Variants in RAPGEF2 observed in about 807,000 individuals in gnomAD.
RAPGEF2 encodes the protein PDZ domain containing guanine nucleotide exchange factor (GEF) 1.
RAPGEF2 carries 54 observed loss-of-function variants against 186.7 expected under a neutral mutation model. The observed-to-expected ratio is 0.29, with a 90% CI of 0.23 to 0.36. RAPGEF2 has a LOEUF of 0.36. RAPGEF2 is among the 10% of genes least tolerant of loss of function. The probability of loss-of-function intolerance (pLI) is 1.00; values close to 1 mark genes in which losing one functional copy is unlikely to be tolerated. For missense variants in RAPGEF2, 1,532 were observed against 2,045.0 expected (o/e 0.75, Z 4.84); for synonymous variants, 712 against 705.9 (o/e 1.01, Z -0.14).
intron 7 of RAPGEF2, among the ~76,000 whole-genome samples, chr4:159,285,146 A>G (rs1760290903): frequency 6.6e-6 from 1 of 152,230 alleles, no homozygotes. Flanking sequence ...AGAATACATT[A>G]GAATAAGCCC....
At chr4:159,295,341 G>A (rs1203240315) in intron 7 of RAPGEF2, among the ~76,000 whole-genome samples, 2 of 152,096 alleles carry the variant, frequency 1.3e-5, no homozygotes, top group Admixed American at 1.3e-4. Context: ...GTTGATGGTT[G>A]AAAATGAATT....
chr4:159,359,803 A>C lies in RAPGEF2; in HGVS notation c.*1664A>C, dbSNP rs148204572. 4 of 152,202 alleles carry C rather than the reference A, an allele frequency of 2.6e-5. No individual in the cohort carries two copies. The highest frequency in any genetic ancestry group is 1.3e-4 in the Admixed American group (2 of 15,282). The allele number at this position is 152,202 out of a possible 1,614,324, so 9.4% of individuals were successfully genotyped here. On this transcript the variant is annotated 3_prime_UTR_variant, in exon 30 of 30. Coordinates refer to ENST00000691494, the MANE Select transcript of RAPGEF2 (RefSeq NM_001394067.2). The stretch of plus-strand genomic sequence containing the variant: ...ATTTGCCAGTTTTATTATATAGGCT[A>C]TGGACCTCATGTGCATATAGAAAGA...
intron 1 of RAPGEF2, among the ~76,000 whole-genome samples, chr4:159,143,186 C>T (rs1361914115): frequency 2.0e-5 from 3 of 151,946 alleles, no homozygotes; most frequent in African/African-American, 7.3e-5. Context: ...ATGATGATCG[C>T]TCCTCTGCAT....
chr4:159,249,534 T>C (rs1373035467), intron 7 of RAPGEF2, among the ~76,000 whole-genome samples: 1 of 151,956 alleles, frequency 6.6e-6, no homozygotes, highest in Admixed American at 6.5e-5. Flanking sequence ...ATGGAATATA[T>C]AGATGCTAGG....
intron 4 of RAPGEF2, among the ~76,000 whole-genome samples, chr4:159,218,768 A>AC (rs1561099099): frequency 6.6e-6 from 1 of 152,068 alleles, no homozygotes; most frequent in East Asian, 1.9e-4. Flanking sequence ...AAAAAAAAAA[A>AC]GTCGTTTTCT....
intron 1 of RAPGEF2, among the ~76,000 whole-genome samples, chr4:159,178,515 C>T (rs1746674583): frequency 6.7e-6 from 1 of 149,906 alleles, no homozygotes; most frequent in Admixed American, 6.6e-5. Context: ...GTGGGGTACT[C>T]TCCCTCTGAC....
Position 159,339,215 on chromosome 4 carries a change from A to G in RAPGEF2, c.2395A>G (p.Ile799Val), listed in dbSNP as rs1332747308. 1 of 1,614,162 alleles carries G rather than the reference A, an allele frequency of 6.2e-7. No individual in the cohort carries two copies. The highest frequency in any genetic ancestry group is 8.5e-7 in the Non-Finnish European group (1 of 1,180,008). Residue 799 changes from isoleucine (I) to valine (V), a missense_variant, in exon 19 of 30, where the codon ATC becomes GTC. Around this residue, in one of 4 missense-constraint regions of RAPGEF2, gnomAD observed 810 missense variants for 1,210.5 expected, o/e 0.67. Transcript: ENST00000691494. ...AGCAAAGGAAGTGGTCATTCAGGCT[A>G]TCAGGGAGTTTGCTGTTACTGCCAC... Reference protein sequence around the residue: ...TTAKEVVIQAIREFAVTATPD... With the variant: ...TTAKEVVIQAVREFAVTATPD...
chr4:159,290,889 G>A (rs1429231575), intron 7 of RAPGEF2, among the ~76,000 whole-genome samples: 1 of 152,144 alleles, frequency 6.6e-6, no homozygotes, highest in Admixed American at 6.5e-5. Context: ...GTGCCCTCCC[G>A]ACAGCCAAAG....
At chr4:159,294,686 C>A (rs1323376837) in intron 7 of RAPGEF2, among the ~76,000 whole-genome samples, 2 of 151,288 alleles carry the variant, frequency 1.3e-5, no homozygotes, top group Non-Finnish European at 2.9e-5. Context: ...TTCCTTCCTT[C>A]CTTCTTTCCG....
intron 17 of RAPGEF2, among the ~76,000 whole-genome samples, chr4:159,336,633 C>T (rs561328269): frequency 6.6e-6 from 1 of 152,140 alleles, no homozygotes; most frequent in East Asian, 1.9e-4. Context: ...CTAAACAAAA[C>T]GTGTGCAAGT....
At chr4:159,349,495 CTGG>C (rs1730866414) in intron 25 of RAPGEF2, among the ~76,000 whole-genome samples, 1 of 66,872 alleles carries the variant, frequency 1.5e-5, no homozygotes, top group Non-Finnish European at 5.1e-5. Context: ...GCACGTGGTG[CTGG>C]CTCACTTCCT....
At chr4:159,348,045 A>C (rs1730594092) in intron 25 of RAPGEF2, among the ~76,000 whole-genome samples, 1 of 152,170 alleles carries the variant, frequency 6.6e-6, no homozygotes, top group East Asian at 1.9e-4. Context: ...ACATGGGGAA[A>C]CCCCATCTTT....
At chr4:159,311,088 T>C (rs1296846759) in intron 8 of RAPGEF2, among the ~76,000 whole-genome samples, 1 of 152,206 alleles carries the variant, frequency 6.6e-6, no homozygotes, top group African/African-American at 2.4e-5. Flanking sequence ...ACAGTTACTG[T>C]GTTTTGTTTT....
intron 1 of RAPGEF2, among the ~76,000 whole-genome samples, chr4:159,124,800 A>G (rs540270330): frequency 2.5e-3 from 384 of 152,302 alleles, no homozygotes; most frequent in African/African-American, 8.7e-3. Context: ...CTCTGAGGGG[A>G]AAAAAGAAAT....
At chr4:159,331,183 A>C (rs1766637061) in intron 13 of RAPGEF2, among the ~76,000 whole-genome samples, 1 of 152,206 alleles carries the variant, frequency 6.6e-6, no homozygotes, top group Non-Finnish European at 1.5e-5. Context: ...AAAGTTAGAC[A>C]AGTTTTAAGT....
At position 159,163,040 on chromosome 4, in the gene RAPGEF2, A is replaced by T. The variant is rs568139391; in HGVS notation, c.70-23602A>T. Among the ~76,000 whole-genome samples the T allele has an allele frequency of 1.7e-3, 266 of 152,216 alleles. 6 individuals are homozygous for T. The South Asian group carries it at 0.052, about 30-fold the overall frequency. On this transcript the variant is annotated intron_variant, in intron 1 of 29. Coordinates refer to ENST00000691494, the MANE Select transcript of RAPGEF2 (RefSeq NM_001394067.2). ...AAAAAGGAGTTAGTTATTTCTGATG[A>T]TGACTGTGCACCACTTGCTGAGCTT...
chr4:159,244,698 A>G (rs115114015), intron 7 of RAPGEF2, among the ~76,000 whole-genome samples: 9 of 151,956 alleles, frequency 5.9e-5, no homozygotes, highest in Admixed American at 3.9e-4. Flanking sequence ...TATCATTGAT[A>G]TATCTTTGGC....
At chr4:159,250,909 C>G (rs553387578) in intron 7 of RAPGEF2, among the ~76,000 whole-genome samples, 1 of 152,138 alleles carries the variant, frequency 6.6e-6, no homozygotes, top group Non-Finnish European at 1.5e-5. Context: ...CTCTGCTTGC[C>G]GGGAGGTGTG....
At chr4:159,198,274 CTTT>C (rs1412523765) in intron 3 of RAPGEF2, among the ~76,000 whole-genome samples, 1,402 of 5,492 alleles carry the variant, frequency 0.26, 72 homozygotes, top group East Asian at 0.41. Context: ...TTCTTTCCTT[CTTT>C]CTTTCTTTCT....
Sources: gnomAD v4.1 joint callset for allele counts (sites outside exome capture counted in the v4.1 genomes callset) on GRCh38, gnomAD v4.1.1 for gene constraint, gnomAD v4.1.1 regional missense constraint, MANE v1.5 for transcripts, NCBI Gene and HGNC (gene_info 2026-07-23, HGNC 2026-07-21) for gene names.